Variants in MINDY4B observed in about 807,000 individuals in gnomAD.
MINDY4B encodes the protein MINDY family member 4B.
Under a neutral mutation model 16.7 loss-of-function variants are expected in MINDY4B, and 25 were observed. That is an observed-to-expected ratio of 1.49 (90% confidence interval 1.09 to 2.09). The LOEUF is 2.09. MINDY4B is among the 30% of genes most tolerant of loss of function. The pLI, the probability that MINDY4B is intolerant of heterozygous loss-of-function variation, is 0.00. For missense variants in MINDY4B, 327 were observed against 168.4 expected, an observed-to-expected ratio of 1.94 and a Z score of -5.21; for synonymous variants, 132 against 61.9, an observed-to-expected ratio of 2.13 and a Z score of -5.32.
At chr3:150,880,352 C>T (rs186329625) in intron 10 of MINDY4B, among the ~76,000 whole-genome samples, 32 of 149,160 alleles carry the variant, frequency 2.1e-4, no homozygotes, top group African/African-American at 3.4e-4. Context: ...GATGCGCACA[C>T]GCGCCCATTG....
In MINDY4B at chr3:150,883,134, C is replaced by A. The variant is rs1052169086; in HGVS notation, c.898-76G>T. ...TAACTTAATTTTTTCTCTTAAAAATCATTAAAAATTATTTTTAGTGAAAAG... is the reference window on the plus strand; with the variant it reads ...TAACTTAATTTTTTCTCTTAAAAATAATTAAAAATTATTTTTAGTGAAAAG... On this transcript the variant is annotated intron_variant, in intron 9 of 11. Coordinates refer to ENST00000465419, the MANE Select transcript of MINDY4B (RefSeq NM_001351281.2). 5 of 566,834 alleles carry A rather than the reference C, an allele frequency of 8.8e-6. No individual in the cohort carries two copies. In the East Asian group the frequency reaches 8.9e-5, roughly 10 times the overall value. The allele number at this position is 566,834 out of a possible 1,614,324, so 35.1% of individuals were successfully genotyped here. A position where few individuals can be genotyped will look rare whatever the true frequency, so the allele number is the denominator to read the frequency against.
chr3:150,895,935 C>T (rs1711949636), intron 3 of MINDY4B, among the ~76,000 whole-genome samples: 1 of 152,006 alleles, frequency 6.6e-6, no homozygotes, highest in South Asian at 2.1e-4. Flanking sequence ...ATTATTCCCC[C>T]AAATATGTTT....
intron 3 of MINDY4B, among the ~76,000 whole-genome samples, chr3:150,902,812 A>G (rs992434302): frequency 2.0e-5 from 3 of 152,176 alleles, no homozygotes; most frequent in African/African-American, 4.8e-5. Flanking sequence ...GAGATTAGCT[A>G]CCTGCCCAGG....
chr3:150,898,515 G>A (rs963317357), intron 3 of MINDY4B, among the ~76,000 whole-genome samples: 3 of 152,120 alleles, frequency 2.0e-5, no homozygotes, highest in Admixed American at 6.5e-5. Flanking sequence ...ACTTACTTGT[G>A]TAACATTTAC....
rs975037148 is a variant in MINDY4B, at chr3:150,891,132, C to A, written c.522-29G>T. ...TAATGCAGAAGGCAGGAGTAGGAAA[C>A]CATTGGAATGAACATCACCTAGCCA... On this transcript the variant is annotated intron_variant, in intron 5 of 11. Transcript: ENST00000465419. The A allele has an allele frequency of 5.8e-6, 4 of 687,046 alleles. No individual in the cohort carries two copies. In the African/African-American group the frequency reaches 7.0e-5, roughly 12 times the overall value. The allele number at this position is 687,046 out of a possible 1,614,324, so 42.6% of individuals were successfully genotyped here. A position where few individuals can be genotyped will look rare whatever the true frequency, so the allele number is the denominator to read the frequency against.
chr3:150,879,849 G>A (rs895758570), intron 10 of MINDY4B, among the ~76,000 whole-genome samples: 5 of 152,180 alleles, frequency 3.3e-5, no homozygotes, highest in Non-Finnish European at 7.3e-5. Context: ...AGCATTTATT[G>A]CCTGTATCCT....
At chr3:150,885,686 T>C (rs1203269633) in intron 7 of MINDY4B, among the ~76,000 whole-genome samples, 1 of 152,180 alleles carries the variant, frequency 6.6e-6, no homozygotes, top group Non-Finnish European at 1.5e-5. Flanking sequence ...ACTTCTACCA[T>C]GTGATTCTCT....
chr3:150,884,129 T>C (rs1711568343), intron 8 of MINDY4B, among the ~76,000 whole-genome samples: 2 of 152,222 alleles, frequency 1.3e-5, no homozygotes, highest in Admixed American at 1.3e-4. Context: ...TGCAGAGTGC[T>C]GGTTCAAGGC....
chr3:150,901,504 TTTCTTTTCTTTTC>T (rs904976346), intron 3 of MINDY4B: 4 of 135,022 alleles, frequency 3.0e-5, no homozygotes, highest in Non-Finnish European at 6.1e-5. Flanking sequence ...ATAGATTTTC[TTTCTTTTCTTTTC>T]TTTTCTTTTT....
intron 7 of MINDY4B, among the ~76,000 whole-genome samples, chr3:150,889,774 A>G (rs4605593): frequency 0.59 from 89,894 of 152,032 alleles, 27,328 homozygotes; most frequent in African/African-American, 0.73. Context: ...TACACAGAAG[A>G]GTCTTAAAAA....
Position 150,893,173 on chromosome 3 carries a change from G to A in MINDY4B, c.521+151C>T, listed in dbSNP as rs1436379725. ...TCCAGCAGAGCCCTTCCCAGTGGCA[G>A]AATCCAGCCTCTCTGGGACAGACAG... On this transcript the variant is annotated intron_variant, in intron 5 of 11. Coordinates refer to ENST00000465419, the MANE Select transcript of MINDY4B (RefSeq NM_001351281.2). The A allele has an allele frequency of 6.4e-6, 4 of 620,414 alleles. No homozygotes were observed. In the East Asian group the frequency reaches 1.1e-4, roughly 17 times the overall value. 38.4% of individuals were successfully genotyped at this position (620,414 alleles called of 1,614,324 possible). A position where few individuals can be genotyped will look rare whatever the true frequency, so the allele number is the denominator to read the frequency against.
chr3:150,896,145 A>G (rs377425407), intron 3 of MINDY4B, among the ~76,000 whole-genome samples: 10 of 152,230 alleles, frequency 6.6e-5, no homozygotes, highest in African/African-American at 7.2e-5. Context: ...TCCTTCTTCT[A>G]CTTGTTCAAT....
At chr3:150,878,504 C>A (rs1043355132) in intron 10 of MINDY4B, among the ~76,000 whole-genome samples, 1 of 152,194 alleles carries the variant, frequency 6.6e-6, no homozygotes, top group East Asian at 1.9e-4. Flanking sequence ...CATTAGTGTA[C>A]AATTTCAGGC....
Position 150,904,851 on chromosome 3 carries a change from C to A in MINDY4B, c.141+211G>T, listed in dbSNP as rs78818708. 9.9e-3 allele frequency among the ~76,000 whole-genome samples: 1,501 copies of A among 152,246 alleles called. 27 individuals are homozygous for A. The highest frequency in any genetic ancestry group is 0.035 in the African/African-American group (1,456 of 41,542). ...TAACCATATGATGCTCTTAATGATACAAACATAGCTCTTAGAAGTAGAAAG... is the reference window on the plus strand; with the variant it reads ...TAACCATATGATGCTCTTAATGATAAAAACATAGCTCTTAGAAGTAGAAAG... On this transcript the variant is annotated intron_variant, in intron 2 of 11. Coordinates refer to ENST00000465419, the MANE Select transcript of MINDY4B (RefSeq NM_001351281.2).
intron 7 of MINDY4B, among the ~76,000 whole-genome samples, chr3:150,889,760 T>G (rs1358018272): frequency 6.6e-6 from 1 of 152,210 alleles, no homozygotes; most frequent in Non-Finnish European, 1.5e-5. Context: ...CTTTTATTTC[T>G]TTCTACACAG....
chr3:150,885,799 T>C (rs1390951342), intron 7 of MINDY4B, among the ~76,000 whole-genome samples: 2 of 152,196 alleles, frequency 1.3e-5, no homozygotes, highest in African/African-American at 2.4e-5. Context: ...TCTCTCCTCA[T>C]GTCCTTCCTC....
At chr3:150,871,975 C>T (rs1194610725) in intron 11 of MINDY4B, among the ~76,000 whole-genome samples, 1 of 152,166 alleles carries the variant, frequency 6.6e-6, no homozygotes, top group Non-Finnish European at 1.5e-5. Context: ...CTCATATTAG[C>T]CAGGTGACAC....
chr3:150,893,046 G>C (rs1711857000), intron 5 of MINDY4B, among the ~76,000 whole-genome samples: 1 of 151,866 alleles, frequency 6.6e-6, no homozygotes, highest in African/African-American at 2.4e-5. Flanking sequence ...TGGACAAGTA[G>C]GCCCACCTGA....
At chr3:150,900,218 G>A (rs1169113378) in intron 3 of MINDY4B, among the ~76,000 whole-genome samples, 1 of 152,184 alleles carries the variant, frequency 6.6e-6, no homozygotes, top group Non-Finnish European at 1.5e-5. Context: ...CTGTAGTATT[G>A]GAAAGAGGAC....
Sources: allele counts gnomAD v4.1 joint callset (sites outside exome capture counted in the v4.1 genomes callset), GRCh38; gene constraint gnomAD v4.1.1; transcripts MANE v1.5; gene names NCBI Gene and HGNC (gene_info 2026-07-23, HGNC 2026-07-21).